Variants in WIPI2 observed in about 807,000 individuals in gnomAD.
The protein encoded by WIPI2 is WD repeat domain phosphoinositide-interacting protein 2.
In WIPI2, 28 loss-of-function variants were observed where a neutral mutation model predicts 52.3. That is an observed-to-expected ratio of 0.54 (90% CI 0.40 to 0.73). The LOEUF (loss-of-function observed/expected upper bound fraction) is 0.73, where lower values mean the gene tolerates loss of function less well. Ranked by LOEUF, WIPI2 falls within the 30% of genes least tolerant of loss-of-function variation. WIPI2 has a pLI of 0.00. For missense variants in WIPI2, 506 were observed against 602.9 expected (o/e 0.84, Z 1.68); for synonymous variants, 268 against 245.0 (o/e 1.09, Z -0.88).
chr7:5,199,168 G>A (rs1410916370), intron 2 of WIPI2, among the ~76,000 whole-genome samples: 2 of 151,904 alleles, frequency 1.3e-5, no homozygotes, highest in African/African-American at 2.4e-5. Context: ...AGCTCCCTGG[G>A]ACTACAAGGG....
intron 8 of WIPI2, among the ~76,000 whole-genome samples, chr7:5,223,856 C>T (rs529482566): frequency 3.4e-4 from 52 of 152,338 alleles, no homozygotes; most frequent in African/African-American, 9.6e-4. Flanking sequence ...TGCATCCTTC[C>T]GCCTGAATGG....
intron 8 of WIPI2, among the ~76,000 whole-genome samples, chr7:5,225,431 G>A (rs545273540): frequency 8.5e-5 from 13 of 152,246 alleles, no homozygotes; most frequent in South Asian, 2.1e-4. Flanking sequence ...TTGAGCCACC[G>A]TGCCCGGCCC....
intron 3 of WIPI2, among the ~76,000 whole-genome samples, chr7:5,200,403 C>T (rs1239877496): frequency 6.6e-6 from 1 of 152,168 alleles, no homozygotes; most frequent in Non-Finnish European, 1.5e-5. Flanking sequence ...ATACAGGTCC[C>T]TTGCATCCTT....
intron 3 of WIPI2, among the ~76,000 whole-genome samples, chr7:5,203,813 C>G (rs921214571): frequency 6.6e-6 from 1 of 151,848 alleles, no homozygotes; most frequent in South Asian, 2.1e-4. Context: ...TTAGTAGAGA[C>G]AGGGTTTCAC....
intron 7 of WIPI2, among the ~76,000 whole-genome samples, chr7:5,222,175 C>T (rs751955165): frequency 3.9e-5 from 6 of 152,194 alleles, no homozygotes; most frequent in African/African-American, 9.7e-5. Context: ...TCTCAAACTC[C>T]TGACCTCTGA....
At chr7:5,217,872 G>T (rs368016066) in intron 6 of WIPI2, 50 bp from the exon 7 acceptor site, 7 of 1,590,440 alleles carry the variant, frequency 4.4e-6, no homozygotes, top group Middle Eastern at 1.8e-4. Context: ...GCCCTGGGGC[G>T]TGGGCGGTCA....
At position 5,230,952 on chromosome 7, in the gene WIPI2, G is replaced by A. The variant is rs1783699867; in HGVS notation, c.*5G>A. The A allele has an allele frequency of 6.2e-7, 1 of 1,607,540 alleles. No individual in the cohort carries two copies. Among genetic ancestry groups the A allele is most frequent in the East Asian group, 2.3e-5 (1 of 44,416 alleles). On this transcript the variant is annotated 3_prime_UTR_variant, in exon 13 of 13. Coordinates refer to ENST00000288828, the MANE Select transcript of WIPI2 (RefSeq NM_015610.4). This position sits in a 1 kb window ranked among gnomAD's most constrained non-coding sequence, Gnocchi z 4.8. ...ATGATTCTTCGGACTGACTGAACTT[G>A]ACCTGTGACCTCTGACCCGGGGAGC...
Position 5,204,999 on chromosome 7 carries a change from G to C in WIPI2, c.211+5341G>C, listed in dbSNP as rs374771787. On this transcript the variant is annotated intron_variant, in intron 3 of 12. Coordinates refer to ENST00000288828, the MANE Select transcript of WIPI2 (RefSeq NM_015610.4). ...CCTATTAGTCTTTTTTTTTTGAGAC[G>C]GAGTCTCGCTGTATCATCCAGGCTG... Among the ~76,000 whole-genome samples the C allele has an allele frequency of 2.6e-5, 4 of 151,552 alleles. No individual in the cohort carries two copies. The East Asian group carries it at 7.7e-4, about 29-fold the overall frequency.
intron 6 of WIPI2, 161 bp from the exon 7 acceptor site, chr7:5,217,761 C>G (rs1351901657): frequency 1.4e-6 from 1 of 701,678 alleles, no homozygotes; most frequent in South Asian, 1.7e-5. Context: ...AGCAGCATTT[C>G]CTTGGATGCC....
At chr7:5,200,729 G>C (rs371817211) in intron 3 of WIPI2, among the ~76,000 whole-genome samples, 1 of 152,116 alleles carries the variant, frequency 6.6e-6, no homozygotes, top group Admixed American at 6.6e-5. Context: ...GCGGCCTTTC[G>C]GACTCGCTCC....
chr7:5,215,658 C>T (rs1185880006), intron 4 of WIPI2, among the ~76,000 whole-genome samples: 1 of 152,252 alleles, frequency 6.6e-6, no homozygotes, highest in African/African-American at 2.4e-5. Context: ...ACAGTAGAGA[C>T]GTTCTTGCCT....
Position 5,231,806 on chromosome 7 carries a change from A to G in WIPI2, c.*859A>G, listed in dbSNP as rs1003817184. 2 of 191,496 alleles carry G rather than the reference A, an allele frequency of 1.0e-5. No individual in the cohort carries two copies. The highest frequency in any genetic ancestry group is 4.6e-5 in the African/African-American group (2 of 43,130). 11.9% of individuals were successfully genotyped at this position (191,496 alleles called of 1,614,324 possible). ...TCCTCCCATGCCCAGGAAAGCACAGAACTCAAGTGTGGTGGCCGTCTGAGC... is the reference window on the plus strand; with the variant it reads ...TCCTCCCATGCCCAGGAAAGCACAGGACTCAAGTGTGGTGGCCGTCTGAGC... On this transcript the variant is annotated 3_prime_UTR_variant, in exon 13 of 13. Transcript: ENST00000288828.
At position 5,230,903 on chromosome 7, in the gene WIPI2, G is replaced by T; in HGVS notation, c.1321G>T (p.Asp441Tyr). ...GGACGAGGCCAGCGCCCTGCGCCTGGATGAGGACAGCGAGCACCCGCCCAT... is the reference window on the plus strand; with the variant it reads ...GGACGAGGCCAGCGCCCTGCGCCTGTATGAGGACAGCGAGCACCCGCCCAT... ...LEDEASALRL[D>Y]EDSEHPPMIL... is the part of the protein sequence containing the mutation. The change falls in exon 13 of 13, where the codon GAT becomes TAT. Residue 441 changes from aspartate to tyrosine, a missense_variant. By Grantham distance (160) the Asp-to-Tyr change is radical (BLOSUM62 -3). This residue lies in a region of WIPI2 where 194 missense variants were observed against 175.1 expected (regional missense o/e 1.11). Transcript: ENST00000288828. The surrounding 1 kb of genome is among the most constrained non-coding windows in gnomAD (Gnocchi z 4.8). 6.2e-7 allele frequency: 1 copy of T among 1,613,826 alleles called. No homozygotes were observed. Among genetic ancestry groups the T allele is most frequent in the Non-Finnish European group, 8.5e-7 (1 of 1,179,802 alleles).
chr7:5,214,041 G>A (rs558434241), intron 3 of WIPI2: 9 of 230,576 alleles, frequency 3.9e-5, no homozygotes, highest in Non-Finnish European at 6.1e-5. Flanking sequence ...GTGTAATAGC[G>A]ACATCTTTTT....
intron 3 of WIPI2, among the ~76,000 whole-genome samples, chr7:5,208,337 G>A (rs1437323390): frequency 3.3e-5 from 5 of 151,312 alleles, no homozygotes; most frequent in Admixed American, 3.3e-4. Flanking sequence ...GATATGTTTT[G>A]TGACTATTTC....
chr7:5,198,134 G>T (rs1191562660), intron 2 of WIPI2, among the ~76,000 whole-genome samples: 7 of 152,108 alleles, frequency 4.6e-5, no homozygotes, highest in African/African-American at 1.7e-4. Flanking sequence ...CAACGACGGG[G>T]CCTTTGATTC....
chr7:5,225,981 C>G (rs769497456), intron 9 of WIPI2, 51 bp downstream of exon 9: 8 of 1,532,212 alleles, frequency 5.2e-6, no homozygotes, highest in South Asian at 4.7e-5. Context: ...CCCTTTGTCC[C>G]CACTTGCTGC....
intron 8 of WIPI2, among the ~76,000 whole-genome samples, chr7:5,224,339 G>A (rs878881811): frequency 4.6e-5 from 7 of 152,150 alleles, no homozygotes; most frequent in African/African-American, 9.7e-5. Flanking sequence ...TTCTCCATGC[G>A]TCTCTAGTGC....
intron 11 of WIPI2, among the ~76,000 whole-genome samples, chr7:5,229,020 T>TTG (rs1002891364): frequency 1.8e-4 from 27 of 151,226 alleles, no homozygotes; most frequent in African/African-American, 5.6e-4. Context: ...ACCTAGCTTT[T>TTG]TGTGTGTGTG....
Sources: allele counts gnomAD v4.1 joint callset (sites outside exome capture counted in the v4.1 genomes callset), GRCh38; gene constraint gnomAD v4.1.1; regional missense constraint gnomAD v4.1.1; non-coding constraint Gnocchi (gnomAD v3.1); transcripts MANE v1.5; gene names NCBI Gene and HGNC (gene_info 2026-07-23, HGNC 2026-07-21).